Variants in ITGA4 observed in about 807,000 individuals in gnomAD.
ITGA4 encodes integrin subunit alpha 4.
ITGA4 carries 63 observed loss-of-function variants against 133.6 expected under a neutral mutation model. That is an observed-to-expected ratio of 0.47 (90% CI 0.38 to 0.58). ITGA4 has a LOEUF of 0.58. Ranked by LOEUF, ITGA4 falls within the 20% of genes least tolerant of loss-of-function variation. ITGA4 has a pLI of 0.00. For synonymous variants in ITGA4, 483 were observed against 438.0 expected, an observed-to-expected ratio of 1.10 and a Z score of -1.28; for missense variants, 1,076 against 1,252.7, an observed-to-expected ratio of 0.86 and a Z score of 2.13.
At chr2:181,460,374 T>C (rs1292094353) in intron 2 of ITGA4, among the ~76,000 whole-genome samples, 1 of 152,216 alleles carries the variant, frequency 6.6e-6, no homozygotes, top group Non-Finnish European at 1.5e-5. Context: ...GCCTCTCTAT[T>C]CAGAATAAAT....
chr2:181,458,113 G>T, intron 1 of ITGA4, 83 bp from the exon 2 acceptor site: 1 of 1,584,386 alleles, frequency 6.3e-7, no homozygotes, highest in Non-Finnish European at 8.6e-7. Flanking sequence ...CTGCCCTGCT[G>T]CGGACTGCAC....
intron 15 of ITGA4, among the ~76,000 whole-genome samples, chr2:181,501,147 T>G (rs907875298): frequency 2.0e-5 from 3 of 152,136 alleles, no homozygotes; most frequent in African/African-American, 7.2e-5. Flanking sequence ...AAAACACAAA[T>G]TGCTGGCCCC....
chr2:181,509,639 T>C lies in ITGA4; in HGVS notation c.1696-19T>C. 1 of 1,558,330 alleles carries C rather than the reference T, an allele frequency of 6.4e-7. No individual in the cohort carries two copies. The highest frequency in any genetic ancestry group is 1.2e-5 in the South Asian group (1 of 80,088). On this transcript the variant is annotated intron_variant, in intron 15 of 27. Coordinates refer to ENST00000397033, the MANE Select transcript of ITGA4 (RefSeq NM_000885.6). Reference sequence around the variant, plus strand: ...ACGTGCTTGTTTTTGTTAATTCATATGGTGGTTATTTTCCTTAGAAAGATG... The same window carrying C: ...ACGTGCTTGTTTTTGTTAATTCATACGGTGGTTATTTTCCTTAGAAAGATG...
chr2:181,464,341 A>T (rs1685361413), intron 2 of ITGA4, among the ~76,000 whole-genome samples: 1 of 152,174 alleles, frequency 6.6e-6, no homozygotes, highest in Non-Finnish European at 1.5e-5. Context: ...AGTGAGAAAC[A>T]ATAGCAAGCG....
chr2:181,518,018 G>A (rs1686644771), intron 17 of ITGA4, among the ~76,000 whole-genome samples: 1 of 151,984 alleles, frequency 6.6e-6, no homozygotes, highest in Non-Finnish European at 1.5e-5. Context: ...GAACCTCTTA[G>A]GTTGCTTTAG....
Position 181,537,240 on chromosome 2 carries a change from G to A in ITGA4, c.*1713G>A, listed in dbSNP as rs1192041521. 2.2e-6 allele frequency: 1 copy of A among 453,678 alleles called. No individual in the cohort carries two copies. The highest frequency in any genetic ancestry group is 4.4e-6 in the Non-Finnish European group (1 of 226,720). 28.1% of individuals were successfully genotyped at this position (453,678 alleles called of 1,614,324 possible). ...TGTCTTCTCCAGGATGGTCTCTAAG[G>A]AAATTTACATTTGGTTCTTTCCTAC... On this transcript the variant is annotated 3_prime_UTR_variant, in exon 28 of 28. Transcript: ENST00000397033.
rs961846112 is a variant in ITGA4, at chr2:181,538,080, T to A, written c.*2553T>A. 1 of 772,162 alleles carries A rather than the reference T, an allele frequency of 1.3e-6. No individual in the cohort carries two copies. The highest frequency in any genetic ancestry group is 2.3e-6 in the Non-Finnish European group (1 of 432,990). 47.8% of individuals were successfully genotyped at this position (772,162 alleles called of 1,614,324 possible). ...CCATCCACGGAAAAATTGTCTTCCA[T>A]GAAACTGGTCCCAAAAAGGGTGGGG... On this transcript the variant is annotated 3_prime_UTR_variant, in exon 28 of 28. Coordinates refer to ENST00000397033, the MANE Select transcript of ITGA4 (RefSeq NM_000885.6).
At chr2:181,470,530 G>A (rs1288761816) in intron 2 of ITGA4, among the ~76,000 whole-genome samples, 1 of 152,156 alleles carries the variant, frequency 6.6e-6, no homozygotes, top group Non-Finnish European at 1.5e-5. Context: ...TGGGGCCCAA[G>A]TGGAGGTACT....
Position 181,511,780 on chromosome 2 carries a change from G to A in ITGA4, c.1922+5G>A. The A allele has an allele frequency of 7.4e-7, 1 of 1,342,906 alleles. No individual in the cohort carries two copies. Among genetic ancestry groups the A allele is most frequent in the Non-Finnish European group, 1.1e-6 (1 of 934,436 alleles). 83.2% of individuals were successfully genotyped at this position (1,342,906 alleles called of 1,614,324 possible). A position where few individuals can be genotyped will look rare whatever the true frequency, so the allele number is the denominator to read the frequency against. On this transcript the variant is annotated splice_donor_5th_base_variant and intron_variant, in intron 17 of 27. Coordinates refer to ENST00000397033, the MANE Select transcript of ITGA4 (RefSeq NM_000885.6). ...TGCAAAGATTGGGTTTTTGAAGTAA[G>A]TATATGTGGTATATAGTCTCTGTTA...
intron 10 of ITGA4, among the ~76,000 whole-genome samples, chr2:181,489,548 AT>A (rs1386294780): frequency 7.3e-6 from 1 of 137,260 alleles, no homozygotes; most frequent in African/African-American, 2.7e-5. Context: ...ATGTCTGAAT[AT>A]TTTTAGAGCA....
At position 181,494,778 on chromosome 2, in the gene ITGA4, A is replaced by C; in HGVS notation, c.1305A>C (p.Ser435=). ...KSLSMFGQSI[S]GQIDADNNGY... ...TAAGTATGTTTGGACAGTCTATATC[A>C]GGACAAATTGATGCAGATAATAATG... The change falls in exon 12 of 28, where the codon TCA becomes TCC. Residue 435 remains serine, a synonymous_variant. Transcript: ENST00000397033. The C allele has an allele frequency of 6.3e-7, 1 of 1,595,700 alleles. No homozygotes were observed.
chr2:181,481,858 C>T (rs1388788416), intron 7 of ITGA4, among the ~76,000 whole-genome samples, 175 bp downstream of exon 7: 2 of 151,948 alleles, frequency 1.3e-5, no homozygotes, highest in Non-Finnish European at 2.9e-5. Context: ...AGAAATTTAG[C>T]AAAAAACTTT....
rs775844863 is a variant in ITGA4, at chr2:181,495,927, A to G, written c.1530A>G (p.Pro510=). ...TCTCATATAAGGGCAAGGAAGTTCC[A>G]GGTTACATTGGTGGGTATGCCCTAC... is the stretch of plus-strand genomic sequence containing the variant. ...LCFSYKGKEV[P]GYIVLFYNMS... is the part of the protein sequence containing the mutation. Residue 510 remains proline, a synonymous_variant, in exon 14 of 28, where the codon CCA becomes CCG. Transcript: ENST00000397033. The surrounding 1 kb of genome is among the most constrained non-coding windows in gnomAD (Gnocchi z 4.3). The G allele has an allele frequency of 1.5e-5, 24 of 1,613,706 alleles. No homozygotes were observed. The highest frequency in any genetic ancestry group is 1.9e-5 in the Non-Finnish European group (23 of 1,179,824).
At chr2:181,519,597 C>T (rs1686676368) in intron 17 of ITGA4, among the ~76,000 whole-genome samples, 1 of 152,096 alleles carries the variant, frequency 6.6e-6, no homozygotes, top group South Asian at 2.1e-4. Context: ...ATAAGAATAA[C>T]TCTCAAAAAC....
At chr2:181,487,026 G>A (rs1685937431) in intron 10 of ITGA4, among the ~76,000 whole-genome samples, 1 of 152,142 alleles carries the variant, frequency 6.6e-6, no homozygotes, top group African/African-American at 2.4e-5. Context: ...TTGAATACAT[G>A]CTTCCAGTGA....
chr2:181,526,780 G>A (rs968098795), intron 21 of ITGA4, among the ~76,000 whole-genome samples: 5 of 141,638 alleles, frequency 3.5e-5, no homozygotes, highest in Non-Finnish European at 6.0e-5. Context: ...AAAGAATATC[G>A]GTGAGGGACA....
At chr2:181,520,118 A>T (rs571211466) in intron 17 of ITGA4, among the ~76,000 whole-genome samples, 1 of 152,230 alleles carries the variant, frequency 6.6e-6, no homozygotes, top group South Asian at 2.1e-4. Flanking sequence ...GTGTGCTTTG[A>T]GAGAGGGAGA....
chr2:181,487,587 G>A (rs537169578), intron 10 of ITGA4, among the ~76,000 whole-genome samples: 2 of 152,214 alleles, frequency 1.3e-5, no homozygotes, highest in South Asian at 2.1e-4. Flanking sequence ...ATAAGAAATT[G>A]TTATTTATCT....
intron 26 of ITGA4, 119 bp from the exon 27 acceptor site, chr2:181,534,697 G>T: frequency 1.2e-6 from 1 of 821,028 alleles, no homozygotes; most frequent in Non-Finnish European, 1.9e-6. Context: ...CAAGAAAATG[G>T]GCTGGGCAGT....
Sources: gnomAD v4.1 joint callset for allele counts (sites outside exome capture counted in the v4.1 genomes callset) on GRCh38, gnomAD v4.1.1 for gene constraint, Gnocchi (gnomAD v3.1) non-coding constraint, MANE v1.5 for transcripts, NCBI Gene and HGNC (gene_info 2026-07-23, HGNC 2026-07-21) for gene names.